Variants in UCHL5 observed in about 807,000 individuals in gnomAD.
The protein encoded by UCHL5 is ubiquitin C-terminal hydrolase L5, also known as ubiquitin carboxyl-terminal hydrolase isozyme L5.
UCHL5 carries 34 observed loss-of-function variants against 53.8 expected under a neutral mutation model. The ratio of observed to expected loss-of-function variants is 0.63; its 90% CI spans 0.48 to 0.84. The LOEUF (loss-of-function observed/expected upper bound fraction) is 0.84, where lower values mean the gene tolerates loss of function less well. Ranked by LOEUF, UCHL5 falls within the 40% of genes least tolerant of loss-of-function variation. UCHL5 has a pLI of 0.00. For missense variants in UCHL5, 290 were observed against 385.6 expected (o/e 0.75, Z 2.08); for synonymous variants, 111 against 126.3 (o/e 0.88, Z 0.81).
intron 7 of UCHL5, among the ~76,000 whole-genome samples, chr1:193,027,119 C>T (rs993203131): frequency 1.3e-5 from 2 of 152,094 alleles, no homozygotes; most frequent in Non-Finnish European, 2.9e-5. Context: ...CTAAAAAGAA[C>T]AATACAAGGG....
intron 8 of UCHL5, 39 bp downstream of exon 8, chr1:193,023,805 C>A (rs1658061479): frequency 6.8e-7 from 1 of 1,470,656 alleles, no homozygotes; most frequent in African/African-American, 1.4e-5. Flanking sequence ...GAGAGAATAA[C>A]CAAGCTAGAA....
chr1:193,013,126 T>C lies in UCHL5; in HGVS notation c.*3225A>G, dbSNP rs1177939997. Reference sequence around the variant, plus strand: ...AACTTTTCTGCATTCCAGTGCACAGTCATTAAGTGTTACAGCAGGTTCCTC... The same window carrying C: ...AACTTTTCTGCATTCCAGTGCACAGCCATTAAGTGTTACAGCAGGTTCCTC... On this transcript the variant is annotated 3_prime_UTR_variant, in exon 11 of 11. Transcript: ENST00000367454. 2 of 152,228 alleles carry C rather than the reference T, an allele frequency of 1.3e-5. No individual in the cohort carries two copies. Among genetic ancestry groups the C allele is most frequent in the African/African-American group, 4.8e-5 (2 of 41,460 alleles). The allele number at this position is 152,228 out of a possible 1,614,324, so 9.4% of individuals were successfully genotyped here. A position where few individuals can be genotyped will look rare whatever the true frequency, so the allele number is the denominator to read the frequency against.
At chr1:193,049,636 G>T in intron 3 of UCHL5, 110 bp downstream of exon 3, 1 of 682,120 alleles carries the variant, frequency 1.5e-6, no homozygotes. Flanking sequence ...TAATTTTTAA[G>T]AGTGTAAGAG....
chr1:193,057,240 T>C (rs1038101820), intron 1 of UCHL5: 3 of 153,176 alleles, frequency 2.0e-5, no homozygotes, highest in Admixed American at 6.5e-5. Flanking sequence ...CCTCTTTTTT[T>C]CCCCAACTTT....
intron 7 of UCHL5, 55 bp downstream of exon 7, chr1:193,028,030 T>TA: frequency 6.3e-7 from 1 of 1,582,226 alleles, no homozygotes; most frequent in Non-Finnish European, 8.5e-7. Flanking sequence ...AATACAAGTT[T>TA]AAAAAATACT....
intron 10 of UCHL5, chr1:193,020,184 A>C: frequency 7.3e-7 from 1 of 1,368,298 alleles, no homozygotes; most frequent in Non-Finnish European, 9.5e-7. Flanking sequence ...TCAATAAGGT[A>C]ATATACACAA....
At chr1:193,037,823 C>G (rs1420207964) in intron 3 of UCHL5, among the ~76,000 whole-genome samples, 1 of 148,024 alleles carries the variant, frequency 6.8e-6, no homozygotes, top group South Asian at 2.1e-4. Context: ...ACCAACATGG[C>G]ACATGTATAC....
At chr1:193,031,618 C>G (rs927619014) in intron 3 of UCHL5, among the ~76,000 whole-genome samples, 3 of 151,988 alleles carry the variant, frequency 2.0e-5, no homozygotes, top group African/African-American at 7.2e-5. Flanking sequence ...ATACATAGTA[C>G]AAAATTAACA....
In UCHL5 at chr1:193,014,879, C is replaced by T. The variant is rs1654669744; in HGVS notation, c.*1472G>A. On this transcript the variant is annotated 3_prime_UTR_variant, in exon 11 of 11. Transcript: ENST00000367454. ...CCACAATAATCCTCACATTGCTTAA[C>T]AAAATTTAAGCCTCAATAGGAAAGA... is the stretch of plus-strand genomic sequence containing the variant. The T allele has an allele frequency of 6.6e-6, 1 of 152,034 alleles. No individual in the cohort carries two copies. The highest frequency in any genetic ancestry group is 2.1e-4 in the South Asian group (1 of 4,832). The allele number at this position is 152,034 out of a possible 1,614,324, so 9.4% of individuals were successfully genotyped here. A position where few individuals can be genotyped will look rare whatever the true frequency, so the allele number is the denominator to read the frequency against.
chr1:193,023,014 C>A lies in UCHL5; in HGVS notation c.755G>T (p.Gly252Val). The A allele has an allele frequency of 6.2e-7, 1 of 1,613,106 alleles. No homozygotes were observed. Among genetic ancestry groups the A allele is most frequent in the Non-Finnish European group, 8.5e-7 (1 of 1,179,468 alleles). Residue 252 changes from glycine (G) to valine (V), a missense_variant, in exon 9 of 11, where the codon GGT becomes GTT. Gly to Val is a moderately radical substitution (Grantham distance 109). Coordinates refer to ENST00000367454, the MANE Select transcript of UCHL5 (RefSeq NM_001199261.3). ...LAEEPMDTDQ[G>V]NSMLSAIQSE... is the part of the protein sequence containing the mutation. ...CTGAATAGCACTTAACATACTATTA[C>A]CTTGATCTGTATCCATGGGTTCCTC... is the stretch of plus-strand genomic sequence containing the variant.
In UCHL5 at chr1:193,046,180, T is replaced by G. The variant is rs184174833; in HGVS notation, c.246+3566A>C. 8.2e-4 allele frequency among the ~76,000 whole-genome samples: 121 copies of G among 148,428 alleles called. 2 individuals are homozygous for G. In the East Asian group the frequency reaches 0.019, roughly 23 times the overall value. ...CAGAATAGCTAAGACTACAGGCGTGTGCTACCAAGTCTGGCTAACTTTTTA... is the reference window on the plus strand; with the variant it reads ...CAGAATAGCTAAGACTACAGGCGTGGGCTACCAAGTCTGGCTAACTTTTTA... On this transcript the variant is annotated intron_variant, in intron 3 of 10. Transcript: ENST00000367454.
chr1:193,029,279 T>C lies in UCHL5; in HGVS notation c.465A>G (p.Thr155=), dbSNP rs752629005. 6.2e-7 allele frequency: 1 copy of C among 1,613,850 alleles called. No homozygotes were observed. ...GAAAAGCATCTTCTTCTTTTGCTGA[T>C]GTCTTCGTATCAAATTCAAACATTT... ...RQQMFEFDTK[T]SAKEEDAFHF... is the part of the protein sequence containing the mutation. The change falls in exon 6 of 11, where the codon ACA becomes ACG. Residue 155 remains threonine (T), a synonymous_variant. Transcript: ENST00000367454.
intron 3 of UCHL5, among the ~76,000 whole-genome samples, chr1:193,038,993 C>CA (rs1253601504): frequency 6.6e-6 from 1 of 151,920 alleles, no homozygotes; most frequent in East Asian, 1.9e-4. Context: ...GTCTCAAAAA[C>CA]AAAAAAGTTG....
chr1:193,014,389 GTCATT>G lies in UCHL5; in HGVS notation c.*1957_*1961del, dbSNP rs1261935841. 1 of 151,948 alleles carries G rather than the reference GTCATT, an allele frequency of 6.6e-6. No homozygotes were observed. The highest frequency in any genetic ancestry group is 2.4e-5 in the African/African-American group (1 of 41,368). The allele number at this position is 151,948 out of a possible 1,614,324, so 9.4% of individuals were successfully genotyped here. A position where few individuals can be genotyped will look rare whatever the true frequency, so the allele number is the denominator to read the frequency against. ...AAAAATCCTTATACCTATTAATATA[GTCATT>G]TTACAAGGATATTTTTCAAATGTCA... On this transcript the variant is annotated 3_prime_UTR_variant, in exon 11 of 11. Coordinates refer to ENST00000367454, the MANE Select transcript of UCHL5 (RefSeq NM_001199261.3).
intron 1 of UCHL5, among the ~76,000 whole-genome samples, chr1:193,053,844 G>A (rs1162689689): frequency 6.6e-6 from 1 of 152,080 alleles, no homozygotes; most frequent in Non-Finnish European, 1.5e-5. Flanking sequence ...CTAGGCCCTG[G>A]CAAAGACAGA....
At chr1:193,058,770 C>A (rs1048908352) in intron 1 of UCHL5, among the ~76,000 whole-genome samples, 1 of 152,198 alleles carries the variant, frequency 6.6e-6, no homozygotes, top group Non-Finnish European at 1.5e-5. Context: ...AAGGCGCACC[C>A]TAGGGTGGCT....
chr1:193,046,434 C>T (rs1667343528), intron 3 of UCHL5, among the ~76,000 whole-genome samples: 1 of 151,780 alleles, frequency 6.6e-6, no homozygotes, highest in South Asian at 2.1e-4. Flanking sequence ...CTAAAGGAGG[C>T]AGTGTTGTGA....
rs1311090488 is a variant in UCHL5 at position 193,024,083 on chromosome 1, C to T, written c.630-137G>A. On this transcript the variant is annotated intron_variant, in intron 7 of 10. Coordinates refer to ENST00000367454, the MANE Select transcript of UCHL5 (RefSeq NM_001199261.3). ...TCAATTGGCTAGCAATAAAAATGGA[C>T]ACTTTTAAAAAGCTTTCAGGTCAGG... 8.7e-6 allele frequency: 6 copies of T among 687,926 alleles called. No homozygotes were observed. The East Asian group carries it at 1.7e-4, about 20-fold the overall frequency. 42.6% of individuals were successfully genotyped at this position (687,926 alleles called of 1,614,324 possible).
At position 193,059,352 on chromosome 1, in the gene UCHL5, G is replaced by C; in HGVS notation, c.-92C>G. The C allele has an allele frequency of 2.5e-6, 4 of 1,605,516 alleles. No individual in the cohort carries two copies. Among genetic ancestry groups the C allele is most frequent in the Non-Finnish European group, 3.4e-6 (4 of 1,176,244 alleles). On this transcript the variant is annotated 5_prime_UTR_variant, in exon 1 of 11. Coordinates refer to ENST00000367454, the MANE Select transcript of UCHL5 (RefSeq NM_001199261.3). This position sits in a 1 kb window ranked among gnomAD's most constrained non-coding sequence, Gnocchi z 4.9. Reference sequence around the variant, plus strand: ...GGCCACAGATCTCAGCAAACCCGCCGCCGAGCTCGTCAACCACACGTCACC... The same window carrying C: ...GGCCACAGATCTCAGCAAACCCGCCCCCGAGCTCGTCAACCACACGTCACC...
Sources: gnomAD v4.1 joint callset for allele counts (sites outside exome capture counted in the v4.1 genomes callset) on GRCh38, gnomAD v4.1.1 for gene constraint, Gnocchi (gnomAD v3.1) non-coding constraint, MANE v1.5 for transcripts, NCBI Gene and HGNC (gene_info 2026-07-23, HGNC 2026-07-21) for gene names.